SNTG2: variants seen among roughly 807,000 people sequenced by gnomAD.
SNTG2 encodes syntrophin gamma 2, also known as gamma-2-syntrophin.
SNTG2 carries 74 observed loss-of-function variants against 70.9 expected under a neutral mutation model. The ratio of observed to expected loss-of-function variants is 1.04; its 90% CI spans 0.86 to 1.27. SNTG2 has a LOEUF of 1.27. Among genes scored for constraint, SNTG2 ranks in the 50% most tolerant of loss-of-function variants. The pLI is 0.00. For synonymous variants in SNTG2, 278 were observed against 273.8 expected (o/e 1.02, Z -0.15); for missense variants, 717 against 690.7 (o/e 1.04, Z -0.43).
chr2:1,244,540 C>CA (rs1357804440), intron 11 of SNTG2, among the ~76,000 whole-genome samples: 4 of 151,664 alleles, frequency 2.6e-5, no homozygotes, highest in South Asian at 2.1e-4. Flanking sequence ...ACTAAAAATA[C>CA]AAAAAATTAG....
intron 4 of SNTG2, among the ~76,000 whole-genome samples, chr2:1,115,803 A>C (rs1327716272): frequency 1.3e-5 from 2 of 152,232 alleles, no homozygotes; most frequent in African/African-American, 2.4e-5. Context: ...GAGGAGGATA[A>C]GAAGAGTCTC....
At chr2:1,103,276 C>T (rs978146267) in intron 4 of SNTG2, 19 of 226,094 alleles carry the variant, frequency 8.4e-5, no homozygotes, top group Non-Finnish European at 1.6e-4. Context: ...GTTAATATTA[C>T]ATTTGAAAGG....
intron 14 of SNTG2, among the ~76,000 whole-genome samples, chr2:1,289,394 C>G (rs568163572): frequency 6.6e-6 from 1 of 152,150 alleles, no homozygotes; most frequent in Non-Finnish European, 1.5e-5. Context: ...CCGCATGTGT[C>G]TCTCCACAAT....
At chr2:1,148,791 T>C (rs62105982) in intron 6 of SNTG2, among the ~76,000 whole-genome samples, 149,627 of 152,178 alleles carry the variant, frequency 0.98, 73,609 homozygotes, top group East Asian at 1. Context: ...AGTGAAGGAA[T>C]GGAAACAAGG....
At chr2:963,524 C>A (rs1660426968) in intron 1 of SNTG2, among the ~76,000 whole-genome samples, 1 of 152,026 alleles carries the variant, frequency 6.6e-6, no homozygotes, top group South Asian at 2.1e-4. Flanking sequence ...ATACGTGTAC[C>A]CAAAATAATT....
At chr2:1,166,159 C>T (rs748940685) in intron 7 of SNTG2, among the ~76,000 whole-genome samples, 2 of 152,190 alleles carry the variant, frequency 1.3e-5, no homozygotes, top group Non-Finnish European at 2.9e-5. Flanking sequence ...GTAACTTTTA[C>T]TAATGTTATT....
chr2:1,251,526 T>TA (rs1340706179), intron 12 of SNTG2, among the ~76,000 whole-genome samples: 2 of 107,134 alleles, frequency 1.9e-5, no homozygotes, highest in African/African-American at 7.6e-5. Context: ...CACATGCACA[T>TA]ACCACACACA....
At chr2:1,127,447 A>G (rs1421962159) in intron 4 of SNTG2, among the ~76,000 whole-genome samples, 1 of 152,058 alleles carries the variant, frequency 6.6e-6, no homozygotes, top group Non-Finnish European at 1.5e-5. Context: ...GGCTTCATGT[A>G]GTTCTGCGCA....
intron 4 of SNTG2, among the ~76,000 whole-genome samples, chr2:1,126,322 C>T (rs924759602): frequency 2.0e-5 from 3 of 152,234 alleles, no homozygotes; most frequent in Admixed American, 6.5e-5. Context: ...GTGTTTCATT[C>T]TGTGTGTGGC....
chr2:1,240,608 G>A (rs1011708046), intron 11 of SNTG2, among the ~76,000 whole-genome samples: 7 of 152,150 alleles, frequency 4.6e-5, no homozygotes, highest in East Asian at 3.8e-4. Flanking sequence ...TTTAAATAGC[G>A]CACAAAAGAC....
At chr2:1,251,648 A>G (rs983962851) in intron 12 of SNTG2, among the ~76,000 whole-genome samples, 22 of 140,680 alleles carry the variant, frequency 1.6e-4, no homozygotes. Flanking sequence ...CACAAACCCC[A>G]CACACACCAC....
At chr2:1,197,549 G>GTGTGTGTA (rs1553353498) in intron 8 of SNTG2, among the ~76,000 whole-genome samples, 2 of 138,626 alleles carry the variant, frequency 1.4e-5, no homozygotes, top group East Asian at 2.5e-4. Context: ...GTGTGTGTGT[G>GTGTGTGTA]TATATTTGAT....
intron 15 of SNTG2, among the ~76,000 whole-genome samples, chr2:1,309,266 G>A (rs980057783): frequency 3.3e-5 from 5 of 152,266 alleles, no homozygotes; most frequent in East Asian, 3.9e-4. Flanking sequence ...ATAGAGCCCC[G>A]TTTGTTATCT....
chr2:1,028,540 T>C (rs1660624957), intron 1 of SNTG2, among the ~76,000 whole-genome samples: 1 of 152,206 alleles, frequency 6.6e-6, no homozygotes, highest in African/African-American at 2.4e-5. Flanking sequence ...AGGCCTGGTG[T>C]CAGTCACTTA....
At chr2:1,323,973 C>T (rs1192662122) in intron 16 of SNTG2, among the ~76,000 whole-genome samples, 1 of 152,062 alleles carries the variant, frequency 6.6e-6, no homozygotes, top group Non-Finnish European at 1.5e-5. Flanking sequence ...GCTAAGACCC[C>T]CCAGTAGGCT....
chr2:1,262,636 G>A (rs1427849920), intron 13 of SNTG2, among the ~76,000 whole-genome samples: 1 of 152,094 alleles, frequency 6.6e-6, no homozygotes, highest in Non-Finnish European at 1.5e-5. Context: ...AAACCCAAAG[G>A]CTCAGTCCAG....
At chr2:1,192,605 A>ATC (rs1558513398) in intron 8 of SNTG2, among the ~76,000 whole-genome samples, 2 of 152,066 alleles carry the variant, frequency 1.3e-5, no homozygotes, top group African/African-American at 4.8e-5. Context: ...TAATAATAAT[A>ATC]ATCATCATCA....
At chr2:1,187,111 G>T (rs907466221) in intron 8 of SNTG2, among the ~76,000 whole-genome samples, 2 of 151,988 alleles carry the variant, frequency 1.3e-5, no homozygotes, top group Non-Finnish European at 2.9e-5. Flanking sequence ...TGGAGGAGAG[G>T]CAACATTTGA....
At chr2:1,036,995 G>C (rs1661167437) in intron 1 of SNTG2, among the ~76,000 whole-genome samples, 1 of 151,150 alleles carries the variant, frequency 6.6e-6, no homozygotes, top group African/African-American at 2.4e-5. Context: ...GCAGTATGGG[G>C]TGGACTCAGC....
Sources: allele counts gnomAD v4.1 joint callset (sites outside exome capture counted in the v4.1 genomes callset), GRCh38; gene constraint gnomAD v4.1.1; transcripts MANE v1.5; gene names NCBI Gene and HGNC (gene_info 2026-07-23, HGNC 2026-07-21).